Variants in LHFPL3 observed in about 807,000 individuals in gnomAD.
LHFPL3 encodes the protein LHFPL tetraspan subfamily member 3.
A neutral mutation model predicts 19.3 loss-of-function variants in LHFPL3; 5 were observed. The ratio of observed to expected loss-of-function variants is 0.26; its 90% CI spans 0.14 to 0.54. LHFPL3 has a LOEUF of 0.54. Among genes scored for constraint, LHFPL3 ranks in the 20% least tolerant of loss-of-function variants. The probability of loss-of-function intolerance (pLI) is 0.94; values close to 1 mark genes in which losing one functional copy is unlikely to be tolerated. For synonymous variants in LHFPL3, 133 were observed against 126.2 expected, an observed-to-expected ratio of 1.05 and a Z score of -0.36; for missense variants, 249 against 307.4, an observed-to-expected ratio of 0.81 and a Z score of 1.42.
chr7:104,548,873 C>T (rs1372310416), intron 1 of LHFPL3, among the ~76,000 whole-genome samples: 1 of 152,188 alleles, frequency 6.6e-6, no homozygotes, highest in Non-Finnish European at 1.5e-5. Context: ...ACCCTTCAGC[C>T]TGGCTCCCTG....
At chr7:104,807,844 T>C (rs753680759) in intron 2 of LHFPL3, among the ~76,000 whole-genome samples, 27 of 152,244 alleles carry the variant, frequency 1.8e-4, no homozygotes, top group South Asian at 8.3e-4. Context: ...ACACTCATGA[T>C]TGAAGCTTCT....
At chr7:104,879,129 G>T (rs1376683514) in intron 2 of LHFPL3, among the ~76,000 whole-genome samples, 1 of 152,166 alleles carries the variant, frequency 6.6e-6, no homozygotes, top group Non-Finnish European at 1.5e-5. Flanking sequence ...AAAAGTGCAA[G>T]GTAGGGGCTG....
At chr7:104,829,989 C>T (rs1290745195) in intron 2 of LHFPL3, among the ~76,000 whole-genome samples, 1 of 151,866 alleles carries the variant, frequency 6.6e-6, no homozygotes, top group African/African-American at 2.4e-5. Context: ...CTCTCCAGCA[C>T]CTGTTGTTTC....
At chr7:104,634,360 C>T (rs1791696196) in intron 1 of LHFPL3, among the ~76,000 whole-genome samples, 1 of 152,150 alleles carries the variant, frequency 6.6e-6, no homozygotes, top group South Asian at 2.1e-4. Flanking sequence ...TCATTGTGTC[C>T]TCACATGGTG....
chr7:104,804,317 G>A (rs899663242), intron 2 of LHFPL3, among the ~76,000 whole-genome samples: 1 of 152,272 alleles, frequency 6.6e-6, no homozygotes, highest in African/African-American at 2.4e-5. Flanking sequence ...GGGGCTATTC[G>A]TCAAAGGAAA....
intron 1 of LHFPL3, among the ~76,000 whole-genome samples, chr7:104,736,031 T>C (rs1793808825): frequency 6.6e-6 from 1 of 152,244 alleles, no homozygotes; most frequent in South Asian, 2.1e-4. Flanking sequence ...CTATTTTTAA[T>C]TTTTTGAGGA....
intron 1 of LHFPL3, among the ~76,000 whole-genome samples, chr7:104,641,458 G>A (rs1001242224): frequency 6.6e-6 from 1 of 152,212 alleles, no homozygotes; most frequent in Non-Finnish European, 1.5e-5. Context: ...CCGATTGCTT[G>A]TGGAGTAATT....
intron 1 of LHFPL3, among the ~76,000 whole-genome samples, chr7:104,609,222 G>T (rs1419604846): frequency 6.6e-6 from 1 of 151,586 alleles, no homozygotes; most frequent in Admixed American, 6.6e-5. Flanking sequence ...CTGAGACCGT[G>T]CCACTACACT....
At chr7:104,563,490 C>G (rs1393290638) in intron 1 of LHFPL3, among the ~76,000 whole-genome samples, 3 of 152,298 alleles carry the variant, frequency 2.0e-5, no homozygotes, top group African/African-American at 4.8e-5. Flanking sequence ...AAAGGGAACT[C>G]CCTGACCCCT....
intron 1 of LHFPL3, among the ~76,000 whole-genome samples, chr7:104,589,406 G>T (rs1028553905): frequency 1.8e-4 from 27 of 152,142 alleles, no homozygotes; most frequent in African/African-American, 6.5e-4. Flanking sequence ...TTATATGATG[G>T]ATTACATTTA....
At chr7:104,417,445 G>T (rs1791643754) in intron 1 of LHFPL3, among the ~76,000 whole-genome samples, 1 of 151,968 alleles carries the variant, frequency 6.6e-6, no homozygotes, top group Non-Finnish European at 1.5e-5. Context: ...GTGCCTTAAG[G>T]TTGATTTGAT....
At chr7:104,392,514 C>T (rs556871534) in intron 1 of LHFPL3, among the ~76,000 whole-genome samples, 1 of 152,020 alleles carries the variant, frequency 6.6e-6, no homozygotes, top group East Asian at 1.9e-4. Context: ...ATTGAACCAG[C>T]CTTGCATCCC....
intron 1 of LHFPL3, among the ~76,000 whole-genome samples, chr7:104,422,870 G>A (rs1211607393): frequency 1.3e-5 from 2 of 152,204 alleles, no homozygotes; most frequent in African/African-American, 2.4e-5. Context: ...GATGGAATTA[G>A]CACCTGTCCT....
intron 2 of LHFPL3, among the ~76,000 whole-genome samples, chr7:104,855,206 A>G (rs1372703880): frequency 6.6e-6 from 1 of 152,242 alleles, no homozygotes; most frequent in Non-Finnish European, 1.5e-5. Context: ...ACACCGTGTC[A>G]TGATGGAACA....
At chr7:104,897,745 A>G (rs994108751) in intron 2 of LHFPL3, among the ~76,000 whole-genome samples, 1 of 152,194 alleles carries the variant, frequency 6.6e-6, no homozygotes, top group Non-Finnish European at 1.5e-5. Context: ...GCAAAAGACA[A>G]TCCTTTCTAT....
At chr7:104,759,172 A>C (rs1794334101) in intron 2 of LHFPL3, among the ~76,000 whole-genome samples, 4 of 152,108 alleles carry the variant, frequency 2.6e-5, no homozygotes, top group African/African-American at 9.7e-5. Context: ...GACTTTTTTG[A>C]ATGTCTGAGG....
intron 1 of LHFPL3, among the ~76,000 whole-genome samples, chr7:104,331,470 A>G (rs1801565642): frequency 6.6e-6 from 1 of 152,228 alleles, no homozygotes; most frequent in Admixed American, 6.5e-5. Flanking sequence ...TATTAATAAA[A>G]GAAAAATTGA....
At chr7:104,370,086 G>A (rs1345273414) in intron 1 of LHFPL3, among the ~76,000 whole-genome samples, 1 of 152,278 alleles carries the variant, frequency 6.6e-6, no homozygotes. Flanking sequence ...TTTCACAGAG[G>A]TAGCCAGTGT....
At chr7:104,346,491 A>G (rs1423620830) in intron 1 of LHFPL3, among the ~76,000 whole-genome samples, 1 of 152,146 alleles carries the variant, frequency 6.6e-6, no homozygotes, top group Non-Finnish European at 1.5e-5. Flanking sequence ...TCAATGGGGA[A>G]CAGGATGGGA....
Sources: gnomAD v4.1 joint callset for allele counts (sites outside exome capture counted in the v4.1 genomes callset) on GRCh38, gnomAD v4.1.1 for gene constraint, MANE v1.5 for transcripts, NCBI Gene and HGNC (gene_info 2026-07-23, HGNC 2026-07-21) for gene names.